The following ALK variants were observed in gnomAD, a reference collection of about 807,000 sequenced individuals.
The protein encoded by ALK is ALK receptor tyrosine kinase.
Under a neutral mutation model 163.1 loss-of-function variants are expected in ALK, and 74 were observed. That is an observed-to-expected ratio of 0.45 (90% CI 0.38 to 0.55). The LOEUF (loss-of-function observed/expected upper bound fraction) is 0.55, where lower values mean the gene tolerates loss of function less well. ALK is among the 20% of genes least tolerant of loss of function. The pLI is 0.00. For missense variants in ALK, 2,063 were observed against 2,105.3 expected, an observed-to-expected ratio of 0.98 and a Z score of 0.39; for synonymous variants, 960 against 843.2, an observed-to-expected ratio of 1.14 and a Z score of -2.40.
chr2:29,239,607 T>A, intron 13 of ALK, 73 bp downstream of exon 13: 1 of 1,568,920 alleles, frequency 6.4e-7, no homozygotes, highest in East Asian at 2.2e-5. Context: ...GGGTGTTGAG[T>A]GTTGGTGCCT....
At chr2:29,708,592 G>A (rs1334707313) in intron 2 of ALK, among the ~76,000 whole-genome samples, 5 of 152,140 alleles carry the variant, frequency 3.3e-5, no homozygotes, top group Admixed American at 6.5e-5. Context: ...CTGCTGGGCT[G>A]GAAACCCAAG....
intron 1 of ALK, chr2:29,891,034 G>A (rs1175127200): frequency 6.6e-6 from 1 of 152,218 alleles, no homozygotes; most frequent in African/African-American, 2.4e-5. Flanking sequence ...TAAAAATGGG[G>A]ATAGTAATAT....
chr2:29,275,532 A>G, intron 9 of ALK, 36 bp from the exon 10 acceptor site: 1 of 1,606,336 alleles, frequency 6.2e-7, no homozygotes, highest in Non-Finnish European at 8.5e-7. Flanking sequence ...TGAGGAGCAA[A>G]CTGGGGGGTC....
At chr2:29,825,215 G>T (rs1300228855) in intron 1 of ALK, among the ~76,000 whole-genome samples, 2 of 152,160 alleles carry the variant, frequency 1.3e-5, no homozygotes, top group African/African-American at 4.8e-5. Flanking sequence ...TTTGTAAATT[G>T]CCCAGTCTCA....
chr2:29,459,176 A>C (rs1206166141), intron 4 of ALK, among the ~76,000 whole-genome samples: 1 of 152,174 alleles, frequency 6.6e-6, no homozygotes, highest in Non-Finnish European at 1.5e-5. Context: ...GACTTAGGAC[A>C]TTCAAGGTCA....
intron 5 of ALK, among the ~76,000 whole-genome samples, chr2:29,329,240 C>A (rs1413885527): frequency 6.6e-6 from 1 of 152,206 alleles, no homozygotes; most frequent in African/African-American, 2.4e-5. Context: ...GGATTAAGAA[C>A]AATGCATTTT....
intron 11 of ALK, among the ~76,000 whole-genome samples, chr2:29,268,851 G>C (rs1665306755): frequency 6.6e-6 from 1 of 152,170 alleles, no homozygotes; most frequent in African/African-American, 2.4e-5. Flanking sequence ...CTGATCCTCT[G>C]TTTCCTCAAT....
chr2:29,846,443 T>C (rs1423833716), intron 1 of ALK, among the ~76,000 whole-genome samples: 2 of 152,250 alleles, frequency 1.3e-5, no homozygotes, highest in Non-Finnish European at 2.9e-5. Flanking sequence ...TTCAAGAATA[T>C]TAGCTCCATG....
At position 29,920,896 on chromosome 2, in the gene ALK, A is replaced by T; in HGVS notation, c.-237T>A. 3.6e-6 allele frequency: 2 copies of T among 559,712 alleles called. No homozygotes were observed. The highest frequency in any genetic ancestry group is 3.0e-5 in the East Asian group (1 of 33,504). 34.7% of individuals were successfully genotyped at this position (559,712 alleles called of 1,614,324 possible). A position where few individuals can be genotyped will look rare whatever the true frequency, so the allele number is the denominator to read the frequency against. ...GGCGAGTCCAGAGACACTCAAGCAC[A>T]CTGGGCTCACTGGCTGGGACCTTGA... On this transcript the variant is annotated 5_prime_UTR_variant, in exon 1 of 29. Coordinates refer to ENST00000389048, the MANE Select transcript of ALK (RefSeq NM_004304.5).
At chr2:29,451,951 A>G (rs530387317) in intron 4 of ALK, among the ~76,000 whole-genome samples, 47 of 152,326 alleles carry the variant, frequency 3.1e-4, no homozygotes, top group African/African-American at 1.1e-3. Flanking sequence ...TGGACCCTCA[A>G]AGTGTGGCTA....
intron 3 of ALK, among the ~76,000 whole-genome samples, chr2:29,685,151 C>T (rs1330565325): frequency 1.3e-5 from 2 of 152,140 alleles, no homozygotes; most frequent in East Asian, 1.9e-4. Context: ...GGACAGGAAA[C>T]GGGGCTCATT....
chr2:29,343,170 G>A (rs776378230), intron 5 of ALK, among the ~76,000 whole-genome samples: 55 of 150,300 alleles, frequency 3.7e-4, no homozygotes, highest in Non-Finnish European at 6.5e-4. Context: ...ACAGGCATGA[G>A]CCACCGTGCC....
intron 28 of ALK, among the ~76,000 whole-genome samples, chr2:29,195,462 AGTAG>A (rs1304569283): frequency 2.0e-5 from 3 of 152,268 alleles, no homozygotes; most frequent in South Asian, 2.1e-4. Context: ...TTAAAGAAAT[AGTAG>A]GTAGGCCAGG....
At chr2:29,309,801 C>A (rs1222587388) in intron 8 of ALK, among the ~76,000 whole-genome samples, 2 of 152,088 alleles carry the variant, frequency 1.3e-5, no homozygotes. Context: ...TGGGCATGTC[C>A]TGCTGGTGCT....
intron 3 of ALK, among the ~76,000 whole-genome samples, chr2:29,687,650 T>G (rs1033588373): frequency 1.3e-5 from 2 of 152,114 alleles, no homozygotes; most frequent in African/African-American, 4.8e-5. Context: ...ATAATTAATT[T>G]ACCTAGAAAT....
At chr2:29,585,005 C>A (rs562841382) in intron 3 of ALK, among the ~76,000 whole-genome samples, 6 of 152,302 alleles carry the variant, frequency 3.9e-5, no homozygotes, top group Admixed American at 2.6e-4. Context: ...GGCCCACAGC[C>A]AAACGTGTGG....
chr2:29,654,380 G>T (rs550413428), intron 3 of ALK, among the ~76,000 whole-genome samples: 150 of 150,146 alleles, frequency 1.0e-3, no homozygotes, highest in African/African-American at 3.7e-3. Flanking sequence ...TTTGTTCTAG[G>T]GAGAGTTATA....
chr2:29,445,470 C>T (rs1347829397), intron 4 of ALK, among the ~76,000 whole-genome samples: 2 of 152,240 alleles, frequency 1.3e-5, no homozygotes, highest in African/African-American at 4.8e-5. Context: ...GGTTCCCTCA[C>T]ATCGCTTCCC....
At chr2:29,414,802 G>T (rs1425873109) in intron 4 of ALK, among the ~76,000 whole-genome samples, 1 of 152,170 alleles carries the variant, frequency 6.6e-6, no homozygotes, top group Non-Finnish European at 1.5e-5. Context: ...AGGTTTTACT[G>T]AACTAATGAG....
Sources: allele counts gnomAD v4.1 joint callset (sites outside exome capture counted in the v4.1 genomes callset), GRCh38; gene constraint gnomAD v4.1.1; transcripts MANE v1.5; gene names NCBI Gene and HGNC (gene_info 2026-07-23, HGNC 2026-07-21).